The following EMP2 variants were observed in gnomAD, a reference collection of about 807,000 sequenced individuals.
EMP2 encodes epithelial membrane protein 2.
Under a neutral mutation model 13.7 loss-of-function variants are expected in EMP2, and 19 were observed. The observed-to-expected ratio is 1.38, with a 90% CI of 0.97 to 2.03. The LOEUF (loss-of-function observed/expected upper bound fraction) is 2.03, where lower values mean the gene tolerates loss of function less well. Ranked by LOEUF, EMP2 falls within the 30% of genes most tolerant of loss-of-function variation. The probability of loss-of-function intolerance (pLI) is 0.00; values close to 1 mark genes in which losing one functional copy is unlikely to be tolerated. For synonymous variants in EMP2, 97 were observed against 84.7 expected, an observed-to-expected ratio of 1.15 and a Z score of -0.80; for missense variants, 253 against 220.7, an observed-to-expected ratio of 1.15 and a Z score of -0.93.
At chr16:10,571,840 T>C (rs1024511617) in intron 1 of EMP2, among the ~76,000 whole-genome samples, 3 of 152,196 alleles carry the variant, frequency 2.0e-5, no homozygotes, top group African/African-American at 4.8e-5. Context: ...AGGCTTCCAC[T>C]GTAAGCCAGT....
Position 10,532,975 on chromosome 16 carries a change from A to G in EMP2, c.434T>C (p.Leu145Pro). ...REGSYGYSYI[L>P]AWVAFACTFI... Reference sequence around the variant, plus strand: ...GGTGCAGGCGAAGGCCACCCACGCCAGGATGTAGGAGTAGCCGTAGCTGCC... The same window carrying G: ...GGTGCAGGCGAAGGCCACCCACGCCGGGATGTAGGAGTAGCCGTAGCTGCC... Residue 145 changes from leucine (L) to proline (P), a missense_variant, in exon 5 of 5, where the codon CTG (leucine) becomes CCG (proline). Leu to Pro is a moderately conservative substitution (Grantham distance 98, BLOSUM62 -3). Coordinates refer to ENST00000359543, the MANE Select transcript of EMP2 (RefSeq NM_001424.6). 2 of 1,610,936 alleles carry G rather than the reference A, an allele frequency of 1.2e-6. No homozygotes were observed. Among genetic ancestry groups the G allele is most frequent in the Non-Finnish European group, 8.5e-7 (1 of 1,178,570 alleles).
chr16:10,560,330 T>A (rs574359866), intron 1 of EMP2, among the ~76,000 whole-genome samples: 6 of 152,138 alleles, frequency 3.9e-5, no homozygotes, highest in African/African-American at 1.4e-4. Context: ...TCACAGCTCT[T>A]CCCACCGCCG....
Position 10,558,865 on chromosome 16 carries a change from C to G in EMP2, c.-60-11188G>C, listed in dbSNP as rs2050851826. ...TAAGATGACCGCTCCGTCCGCCCAACTCCATTCCCGCCCTCGGGAGTTCTT... is the reference window on the plus strand; with the variant it reads ...TAAGATGACCGCTCCGTCCGCCCAAGTCCATTCCCGCCCTCGGGAGTTCTT... On this transcript the variant is annotated intron_variant, in intron 1 of 4. Coordinates refer to ENST00000359543, the MANE Select transcript of EMP2 (RefSeq NM_001424.6). The G allele has an allele frequency of 1.3e-5, 2 of 152,276 alleles. 1 individual carries two copies. The highest frequency in any genetic ancestry group is 1.3e-4 in the Admixed American group (2 of 15,280). 9.4% of individuals were successfully genotyped at this position (152,276 alleles called of 1,614,324 possible).
At chr16:10,550,847 C>A (rs548275290) in intron 1 of EMP2, among the ~76,000 whole-genome samples, 1 of 152,002 alleles carries the variant, frequency 6.6e-6, no homozygotes, top group Admixed American at 6.6e-5. Flanking sequence ...TGGTGGTGGG[C>A]ACCTGTAATT....
chr16:10,543,733 G>T, intron 2 of EMP2, 73 bp from the exon 3 acceptor site: 1 of 1,425,652 alleles, frequency 7.0e-7, no homozygotes, highest in Non-Finnish European at 9.9e-7. Context: ...AATTAGGCAC[G>T]AGGCATGGTG....
At chr16:10,537,618 T>C (rs970099616) in intron 4 of EMP2, among the ~76,000 whole-genome samples, 1 of 152,036 alleles carries the variant, frequency 6.6e-6, no homozygotes, top group Non-Finnish European at 1.5e-5. Context: ...CTCTCTCTAT[T>C]GAGACACAAC....
At chr16:10,573,213 C>CT (rs1408049749) in intron 1 of EMP2, among the ~76,000 whole-genome samples, 3 of 152,092 alleles carry the variant, frequency 2.0e-5, no homozygotes, top group African/African-American at 7.2e-5. Context: ...CCATGCCTGG[C>CT]TAATTTTGCT....
At chr16:10,543,691 G>A (rs377590508) in intron 2 of EMP2, 31 bp from the exon 3 acceptor site, 60 of 1,599,610 alleles carry the variant, frequency 3.8e-5, no homozygotes, top group Non-Finnish European at 4.6e-5. Flanking sequence ...AGAGAGAAAG[G>A]CCGTCCGTTC....
At chr16:10,575,594 G>C (rs932833290) in intron 1 of EMP2, among the ~76,000 whole-genome samples, 1 of 151,966 alleles carries the variant, frequency 6.6e-6, no homozygotes, top group African/African-American at 2.4e-5. Context: ...CTCCTCTGAA[G>C]ACAGGAAAAT....
At chr16:10,535,445 A>AG (rs2050639430) in intron 4 of EMP2, among the ~76,000 whole-genome samples, 2 of 152,122 alleles carry the variant, frequency 1.3e-5, no homozygotes, top group Admixed American at 1.3e-4. Flanking sequence ...CAGAAAATAA[A>AG]CTTCAGAAGC....
At chr16:10,543,707 G>A (rs1323926094) in intron 2 of EMP2, 47 bp from the exon 3 acceptor site, 1 of 1,579,390 alleles carries the variant, frequency 6.3e-7, no homozygotes, top group Non-Finnish European at 8.7e-7. Context: ...CGTTCATGAT[G>A]CAAACACTGA....
At chr16:10,553,262 C>A (rs2050801518) in intron 1 of EMP2, among the ~76,000 whole-genome samples, 1 of 152,232 alleles carries the variant, frequency 6.6e-6, no homozygotes, top group Non-Finnish European at 1.5e-5. Flanking sequence ...TAGAGGCAAC[C>A]ACGCTTCTCA....
intron 1 of EMP2, among the ~76,000 whole-genome samples, chr16:10,554,644 G>C (rs911389086): frequency 6.6e-6 from 1 of 152,052 alleles, no homozygotes. Flanking sequence ...TTTTCCCTTC[G>C]AAAAATGTAA....
chr16:10,573,002 C>T (rs1280997084), intron 1 of EMP2, among the ~76,000 whole-genome samples: 3 of 152,168 alleles, frequency 2.0e-5, no homozygotes, highest in Non-Finnish European at 4.4e-5. Context: ...AAACAGAACC[C>T]TCACTTCACA....
At chr16:10,575,176 A>T (rs2050974081) in intron 1 of EMP2, among the ~76,000 whole-genome samples, 2 of 141,712 alleles carry the variant, frequency 1.4e-5, no homozygotes, top group Non-Finnish European at 3.0e-5. Flanking sequence ...ACCTTTGCAC[A>T]CCACATATGG....
intron 1 of EMP2, among the ~76,000 whole-genome samples, chr16:10,551,502 G>T (rs964713708): frequency 2.6e-5 from 4 of 152,160 alleles, no homozygotes; most frequent in South Asian, 2.1e-4. Flanking sequence ...TGCCTCCCGG[G>T]TTCAAGCGAT....
At chr16:10,579,314 T>C (rs895508355) in intron 1 of EMP2, among the ~76,000 whole-genome samples, 3 of 152,212 alleles carry the variant, frequency 2.0e-5, no homozygotes, top group African/African-American at 4.8e-5. Context: ...CTTAGATTTC[T>C]CTCTGATTCA....
chr16:10,538,038 A>G lies in EMP2; in HGVS notation c.206T>C (p.Ile69Thr). Residue 69 changes from isoleucine to threonine, a missense_variant, in exon 4 of 5, where the codon ATC (isoleucine) becomes ACC (threonine). Coordinates refer to ENST00000359543, the MANE Select transcript of EMP2 (RefSeq NM_001424.6). Reference sequence around the variant, plus strand: ...GATGCAGCAGAGAATGGTGGAGAGGATCATGGTGGCCTGGACCGCCTGCAG... The same window carrying G: ...GATGCAGCAGAGAATGGTGGAGAGGGTCATGGTGGCCTGGACCGCCTGCAG... ...STLQAVQATMILSTILCCIAF... is the reference protein window; with the variant it reads ...STLQAVQATMTLSTILCCIAF... 1 of 1,614,024 alleles carries G rather than the reference A, an allele frequency of 6.2e-7. No homozygotes were observed. The highest frequency in any genetic ancestry group is 8.5e-7 in the Non-Finnish European group (1 of 1,179,982).
chr16:10,551,500 G>A (rs533135707), intron 1 of EMP2, among the ~76,000 whole-genome samples: 4 of 152,102 alleles, frequency 2.6e-5, no homozygotes, highest in Non-Finnish European at 5.9e-5. Context: ...TCTGCCTCCC[G>A]GGTTCAAGCG....
Sources: gnomAD v4.1 joint callset for allele counts (sites outside exome capture counted in the v4.1 genomes callset) on GRCh38, gnomAD v4.1.1 for gene constraint, MANE v1.5 for transcripts, NCBI Gene and HGNC (gene_info 2026-07-23, HGNC 2026-07-21) for gene names.